The following AFG1L variants were observed in gnomAD, a reference collection of about 807,000 sequenced individuals.
AFG1L encodes the protein AFG1-like ATPase.
Under a neutral mutation model 62.2 loss-of-function variants are expected in AFG1L, and 53 were observed. The observed-to-expected ratio is 0.85, with a 90% CI of 0.68 to 1.07. The LOEUF (loss-of-function observed/expected upper bound fraction) is 1.07. Among genes scored for constraint, AFG1L ranks in the 50% least tolerant of loss-of-function variants. The pLI is 0.00. For missense variants in AFG1L, 555 were observed against 590.5 expected, an observed-to-expected ratio of 0.94 and a Z score of 0.62; for synonymous variants, 228 against 210.3, an observed-to-expected ratio of 1.08 and a Z score of -0.73.
chr6:108,332,319 G>A (rs542153854), intron 2 of AFG1L, among the ~76,000 whole-genome samples: 1 of 152,162 alleles, frequency 6.6e-6, no homozygotes, highest in Non-Finnish European at 1.5e-5. Context: ...TTGTATTCCT[G>A]CCCTATTCAA....
At chr6:108,472,260 G>A (rs2114803825) in intron 8 of AFG1L, among the ~76,000 whole-genome samples, 1 of 152,252 alleles carries the variant, frequency 6.6e-6, no homozygotes, top group South Asian at 2.1e-4. Context: ...TCAAAAGATA[G>A]CAAGTTGCAA....
intron 7 of AFG1L, among the ~76,000 whole-genome samples, chr6:108,434,247 G>A (rs1771209395): frequency 6.6e-6 from 1 of 152,170 alleles, no homozygotes. Context: ...TCCTAACTCA[G>A]AATTTTTGTC....
chr6:108,505,845 C>G (rs1332809019), intron 10 of AFG1L, among the ~76,000 whole-genome samples: 3 of 151,942 alleles, frequency 2.0e-5, no homozygotes, highest in Non-Finnish European at 4.4e-5. Context: ...GAGAGTATGA[C>G]GTTTAACCTA....
intron 8 of AFG1L, among the ~76,000 whole-genome samples, chr6:108,452,165 A>C (rs1003534721): frequency 6.6e-6 from 1 of 152,220 alleles, no homozygotes; most frequent in Admixed American, 6.5e-5. Flanking sequence ...GTACTGATCA[A>C]GGGTGACCCC....
chr6:108,498,559 A>T (rs369485740), intron 10 of AFG1L, among the ~76,000 whole-genome samples: 35 of 152,302 alleles, frequency 2.3e-4, no homozygotes, highest in African/African-American at 8.2e-4. Flanking sequence ...GATATCCTTT[A>T]TGTGATACAC....
intron 11 of AFG1L, among the ~76,000 whole-genome samples, chr6:108,511,156 TAGGAGGA>T (rs2114899904): frequency 1.2e-5 from 1 of 83,018 alleles, no homozygotes; most frequent in East Asian, 3.1e-4. Context: ...AGGAGGGAGG[TAGGAGGA>T]AGGAAGAAGG....
At chr6:108,429,969 A>G (rs1770998198) in intron 7 of AFG1L, among the ~76,000 whole-genome samples, 1 of 151,848 alleles carries the variant, frequency 6.6e-6, no homozygotes, top group South Asian at 2.1e-4. Context: ...TTATTTTGAG[A>G]TGGAGTCTCG....
chr6:108,426,821 C>T (rs920786645), intron 7 of AFG1L, among the ~76,000 whole-genome samples: 3 of 152,088 alleles, frequency 2.0e-5, no homozygotes, highest in African/African-American at 7.2e-5. Context: ...CCACTCTTCC[C>T]TCTTCCCATC....
intron 1 of AFG1L, among the ~76,000 whole-genome samples, chr6:108,319,415 A>G (rs1562471956): frequency 6.6e-6 from 1 of 151,916 alleles, no homozygotes; most frequent in Non-Finnish European, 1.5e-5. Flanking sequence ...CTAGAGGCAT[A>G]TACCATTATG....
chr6:108,408,144 T>C (rs897234527), intron 7 of AFG1L, among the ~76,000 whole-genome samples: 8 of 151,120 alleles, frequency 5.3e-5, no homozygotes, highest in East Asian at 1.9e-4. Context: ...TTTTTTTCCC[T>C]GTGCAGGCGT....
intron 5 of AFG1L, among the ~76,000 whole-genome samples, chr6:108,360,510 T>G (rs1779482647): frequency 6.6e-6 from 1 of 152,200 alleles, no homozygotes; most frequent in African/African-American, 2.4e-5. Flanking sequence ...GAGACCCTAT[T>G]CCCCTGAGCA....
chr6:108,449,167 A>ATG (rs1771944327), intron 8 of AFG1L, among the ~76,000 whole-genome samples: 1 of 151,116 alleles, frequency 6.6e-6, no homozygotes, highest in African/African-American at 2.4e-5. Context: ...AAGTATATAT[A>ATG]TATATATATA....
intron 6 of AFG1L, among the ~76,000 whole-genome samples, chr6:108,371,067 GC>G (rs982535695): frequency 1.3e-5 from 2 of 152,126 alleles, no homozygotes; most frequent in African/African-American, 2.4e-5. Context: ...GTTTTTTCTA[GC>G]CCTAACTTCC....
At chr6:108,489,987 G>A (rs756387842) in intron 10 of AFG1L, among the ~76,000 whole-genome samples, 3 of 152,176 alleles carry the variant, frequency 2.0e-5, no homozygotes, top group Non-Finnish European at 2.9e-5. Flanking sequence ...AGAGCCAGAG[G>A]ACTAGTATAG....
chr6:108,485,876 T>C (rs939783634), intron 10 of AFG1L, among the ~76,000 whole-genome samples: 2 of 150,942 alleles, frequency 1.3e-5, no homozygotes, highest in Non-Finnish European at 3.0e-5. Flanking sequence ...TTTGCCGTGT[T>C]GCCCAGGCTG....
intron 11 of AFG1L, among the ~76,000 whole-genome samples, chr6:108,516,962 T>C (rs1774920714): frequency 6.6e-6 from 1 of 152,118 alleles, no homozygotes; most frequent in Non-Finnish European, 1.5e-5. Context: ...GAAGGACCTC[T>C]TCAAGGAGAG....
chr6:108,521,824 C>CT (rs1416765579), intron 12 of AFG1L: 1 of 153,116 alleles, frequency 6.5e-6, no homozygotes, highest in African/African-American at 2.4e-5. Context: ...ACAGCCCTGC[C>CT]TTTCAGCCCT....
chr6:108,482,208 T>A (rs1340433324), intron 10 of AFG1L, among the ~76,000 whole-genome samples: 1 of 150,118 alleles, frequency 6.7e-6, no homozygotes, highest in African/African-American at 2.4e-5. Flanking sequence ...TGCTTGCTCT[T>A]ACAAAATCAT....
intron 7 of AFG1L, among the ~76,000 whole-genome samples, chr6:108,415,405 G>A (rs1562146120): frequency 6.6e-6 from 1 of 152,112 alleles, no homozygotes; most frequent in Non-Finnish European, 1.5e-5. Flanking sequence ...TTTCTTCACA[G>A]AATTGGAAAA....
Sources: allele counts gnomAD v4.1 joint callset (sites outside exome capture counted in the v4.1 genomes callset), GRCh38; gene constraint gnomAD v4.1.1; transcripts MANE v1.5; gene names NCBI Gene and HGNC (gene_info 2026-07-23, HGNC 2026-07-21).